The following NFATC2 variants were observed in gnomAD, a reference collection of about 807,000 sequenced individuals.
The protein encoded by NFATC2 is nuclear factor of activated T-cells, cytoplasmic 2.
In NFATC2, 22 loss-of-function variants were observed where a neutral mutation model predicts 87.3. The observed-to-expected ratio is 0.25, with a 90% CI of 0.18 to 0.36. NFATC2 has a LOEUF of 0.36. Ranked by LOEUF, NFATC2 falls within the 10% of genes least tolerant of loss-of-function variation. The pLI is 1.00. For synonymous variants in NFATC2, 565 were observed against 542.2 expected (o/e 1.04, Z -0.58); for missense variants, 1,149 against 1,259.1 (o/e 0.91, Z 1.32).
intron 3 of NFATC2, among the ~76,000 whole-genome samples, chr20:51,487,662 G>A (rs903448992): frequency 1.4e-4 from 22 of 152,280 alleles, no homozygotes; most frequent in Non-Finnish European, 2.2e-4. Context: ...CTAGGGCTGA[G>A]GAAATGCAGG....
At position 51,435,235 on chromosome 20, in the gene NFATC2, T is replaced by C. The variant is rs1347146148; in HGVS notation, c.1985A>G (p.Asn662Ser). The C allele has an allele frequency of 1.8e-5, 29 of 1,614,060 alleles. No homozygotes were observed. The highest frequency in any genetic ancestry group is 1.9e-5 in the Non-Finnish European group (23 of 1,180,034). ...AGGCTGACTTCGTTTTCTCTTCCCA[T>C]TGATGACGTAGAAGTTCACTTTTAC... ...TPVKVNFYVINGKRKRSQPQH... is the reference protein window; with the variant it reads ...TPVKVNFYVISGKRKRSQPQH... The change falls in exon 8 of 11, where the codon AAT (asparagine) becomes AGT (serine). Residue 662 changes from asparagine (N) to serine (S), a missense_variant. Physicochemically the swap from Asn to Ser is conservative, Grantham distance 46. This residue lies in a region of NFATC2 where 581 missense variants were observed against 649.7 expected (regional missense o/e 0.89). Transcript: ENST00000371564.
intron 3 of NFATC2, 71 bp from the exon 4 acceptor site, chr20:51,475,731 C>T: frequency 6.9e-7 from 1 of 1,453,528 alleles, no homozygotes; most frequent in Non-Finnish European, 9.5e-7. Context: ...CAAAAAAAGA[C>T]CAGAGAGCTC....
At chr20:51,496,633 T>C (rs1051489664) in intron 3 of NFATC2, among the ~76,000 whole-genome samples, 1 of 152,208 alleles carries the variant, frequency 6.6e-6, no homozygotes, top group African/African-American at 2.4e-5. Flanking sequence ...TCAGTATTTA[T>C]GGTAACCTCT....
chr20:51,462,631 GT>G (rs1217511246), intron 5 of NFATC2, among the ~76,000 whole-genome samples: 1 of 152,120 alleles, frequency 6.6e-6, no homozygotes, highest in Non-Finnish European at 1.5e-5. Flanking sequence ...CTTTGCCTCT[GT>G]TTTTCATCTA....
At chr20:51,553,140 G>T (rs560195906) in intron 1 of NFATC2, among the ~76,000 whole-genome samples, 2 of 151,798 alleles carry the variant, frequency 1.3e-5, no homozygotes, top group Non-Finnish European at 2.9e-5. Flanking sequence ...TGGACCAATC[G>T]GCTGGAGGTG....
chr20:51,452,506 G>C (rs1985925312), intron 6 of NFATC2, among the ~76,000 whole-genome samples: 1 of 152,158 alleles, frequency 6.6e-6, no homozygotes, highest in East Asian at 1.9e-4. Context: ...TGGTTTCTTA[G>C]TCTAGACCAC....
chr20:51,540,647 G>GTTTCTTTTTTTTTTTT (rs2076793112), intron 1 of NFATC2, among the ~76,000 whole-genome samples: 1 of 112,974 alleles, frequency 8.9e-6, no homozygotes, highest in African/African-American at 4.4e-5. Flanking sequence ...AAAAACTGAA[G>GTTTCTTTTTTTTTTTT]TTTTTTTTTT....
intron 3 of NFATC2, among the ~76,000 whole-genome samples, chr20:51,479,545 A>T (rs1989048103): frequency 6.6e-6 from 1 of 152,234 alleles, no homozygotes; most frequent in East Asian, 1.9e-4. Context: ...AGTTGAGTCC[A>T]GGAGGTTGAG....
chr20:51,495,404 TAA>T (rs986973410), intron 3 of NFATC2, among the ~76,000 whole-genome samples: 18 of 152,206 alleles, frequency 1.2e-4, no homozygotes, highest in Non-Finnish European at 2.2e-4. Flanking sequence ...CCTCCTTTCT[TAA>T]AAAGACTTGT....
intron 1 of NFATC2, among the ~76,000 whole-genome samples, chr20:51,561,366 GAA>G (rs1316729489): frequency 7.5e-6 from 1 of 133,646 alleles, no homozygotes; most frequent in Non-Finnish European, 1.6e-5. Context: ...AGAAAAGAAA[GAA>G]AGAGAGAGAA....
At chr20:51,416,139 G>A (rs1980011148) in intron 9 of NFATC2, among the ~76,000 whole-genome samples, 1 of 152,056 alleles carries the variant, frequency 6.6e-6, no homozygotes, top group African/African-American at 2.4e-5. Context: ...GCACACTCCT[G>A]TAATCCCAGC....
At chr20:51,519,072 G>A (rs2076399738) in intron 2 of NFATC2, among the ~76,000 whole-genome samples, 1 of 151,904 alleles carries the variant, frequency 6.6e-6, no homozygotes, top group Non-Finnish European at 1.5e-5. Context: ...TTTTACCTTA[G>A]TTACAGTGCC....
intron 9 of NFATC2, among the ~76,000 whole-genome samples, chr20:51,429,677 T>C (rs866295663): frequency 1.3e-5 from 2 of 152,208 alleles, no homozygotes; most frequent in African/African-American, 4.8e-5. Context: ...TAGAGACTTA[T>C]AATGTCCGCT....
chr20:51,416,509 G>A (rs1715428333), intron 9 of NFATC2, among the ~76,000 whole-genome samples: 1 of 152,164 alleles, frequency 6.6e-6, no homozygotes. Context: ...TGGAATAAAG[G>A]GCCCGTTCAA....
At chr20:51,513,678 C>A (rs1358180927) in intron 3 of NFATC2, among the ~76,000 whole-genome samples, 1 of 152,226 alleles carries the variant, frequency 6.6e-6, no homozygotes, top group Non-Finnish European at 1.5e-5. Context: ...GAGCCTCACT[C>A]CTCATGCAGC....
intron 3 of NFATC2, among the ~76,000 whole-genome samples, chr20:51,492,989 G>T (rs778569668): frequency 5.3e-5 from 8 of 152,344 alleles, no homozygotes; most frequent in South Asian, 4.1e-4. Context: ...GGATGCGATC[G>T]TGTGCCTCCC....
chr20:51,545,562 G>A (rs1170820729), upstream of NFATC2, among the ~76,000 whole-genome samples: 1 of 152,184 alleles, frequency 6.6e-6, no homozygotes, highest in Non-Finnish European at 1.5e-5. Context: ...TGATGGATGG[G>A]TGAATGGAAG....
At chr20:51,447,603 T>G (rs993656752) in intron 6 of NFATC2, among the ~76,000 whole-genome samples, 1 of 152,184 alleles carries the variant, frequency 6.6e-6, no homozygotes, top group Admixed American at 6.5e-5. Context: ...GTCCTTAGAT[T>G]TTTTCCTGTT....
At chr20:51,426,375 G>A (rs182749979) in intron 9 of NFATC2, among the ~76,000 whole-genome samples, 28 of 152,252 alleles carry the variant, frequency 1.8e-4, no homozygotes, top group Admixed American at 7.2e-4. Context: ...CTACTTGGGA[G>A]GCTGAGGCAG....
Sources: gnomAD v4.1 joint callset for allele counts (sites outside exome capture counted in the v4.1 genomes callset) on GRCh38, gnomAD v4.1.1 for gene constraint, gnomAD v4.1.1 regional missense constraint, MANE v1.5 for transcripts, NCBI Gene and HGNC (gene_info 2026-07-23, HGNC 2026-07-21) for gene names.